Variants in OPHN1 observed in about 807,000 individuals in gnomAD.
The protein encoded by OPHN1 is oligophrenin-1.
OPHN1 carries 11 observed loss-of-function variants against 60.7 expected under a neutral mutation model. The observed-to-expected ratio is 0.18, with a 90% confidence interval of 0.11 to 0.30. The LOEUF (loss-of-function observed/expected upper bound fraction) is 0.30. Among genes scored for constraint, OPHN1 ranks in the 10% least tolerant of loss-of-function variants. OPHN1 has a pLI of 1.00. For missense variants in OPHN1, 449 were observed against 611.0 expected (o/e 0.73, Z 2.80); for synonymous variants, 226 against 222.6 (o/e 1.02, Z -0.14).
Position 68,155,396 on chromosome X carries a change from C to T in OPHN1, c.1277-36064G>A, listed in dbSNP as rs775748306. 5.4e-5 allele frequency among the ~76,000 whole-genome samples: 6 copies of T among 111,749 alleles called. No individual in the cohort carries two copies. In the South Asian group the frequency reaches 2.3e-3, roughly 43 times the overall value. ...CCCATACTCCCCACATGTCTAGAGA[C>T]AGACCTGGTGGGAGGTGATTGGATC... is the stretch of plus-strand genomic sequence containing the variant. On this transcript the variant is annotated intron_variant, in intron 15 of 24. Transcript: ENST00000355520.
intron 4 of OPHN1, among the ~76,000 whole-genome samples, chrX:68,278,600 A>G (rs1407843424): frequency 8.8e-6 from 1 of 113,649 alleles, no homozygotes; most frequent in Non-Finnish European, 1.9e-5. Flanking sequence ...AAAAGAGAGC[A>G]CTGGGCCAGG....
chrX:68,396,432 G>T (rs181917415), intron 2 of OPHN1, among the ~76,000 whole-genome samples: 103 of 101,232 alleles, frequency 1.0e-3, no homozygotes, highest in Non-Finnish European at 1.7e-3. Context: ...AAACAAGGTT[G>T]TGGAGGCTAG....
chrX:68,148,230 C>T (rs1008859813), intron 15 of OPHN1, among the ~76,000 whole-genome samples: 7 of 111,136 alleles, frequency 6.3e-5, no homozygotes, highest in Non-Finnish European at 1.3e-4. Context: ...TTAAAGGATA[C>T]GATAATATGA....
At chrX:68,179,589 T>C (rs755598033) in intron 15 of OPHN1, among the ~76,000 whole-genome samples, 1 of 111,775 alleles carries the variant, frequency 8.9e-6, no homozygotes, top group East Asian at 2.8e-4. Flanking sequence ...AGGTATCTGA[T>C]CACTGTATCC....
At chrX:68,150,709 T>A (rs1251572478) in intron 15 of OPHN1, among the ~76,000 whole-genome samples, 1 of 111,694 alleles carries the variant, frequency 9.0e-6, no homozygotes, top group Non-Finnish European at 1.9e-5. Flanking sequence ...TGAGGAATAG[T>A]TGTGAAACTA....
At chrX:68,170,091 A>G (rs1378581773) in intron 15 of OPHN1, among the ~76,000 whole-genome samples, 1 of 110,733 alleles carries the variant, frequency 9.0e-6, no homozygotes, top group Non-Finnish European at 1.9e-5. Context: ...ACAAGAAAAA[A>G]ACAAACAACC....
At chrX:68,218,313 T>G (rs1226849339) in intron 6 of OPHN1, among the ~76,000 whole-genome samples, 2 of 106,811 alleles carry the variant, frequency 1.9e-5, no homozygotes, top group African/African-American at 6.8e-5. Context: ...TTGGTGTACC[T>G]GAAAGGGATG....
At chrX:68,103,979 G>T (rs1924423617) in intron 18 of OPHN1, among the ~76,000 whole-genome samples, 1 of 111,984 alleles carries the variant, frequency 8.9e-6, no homozygotes, top group South Asian at 3.7e-4. Context: ...CAAAGTCTCA[G>T]AAAACAAAAT....
chrX:68,351,637 G>C (rs2078411206), intron 2 of OPHN1, among the ~76,000 whole-genome samples: 2 of 111,568 alleles, frequency 1.8e-5, no homozygotes, highest in East Asian at 2.8e-4. Context: ...CATCCCCTGG[G>C]TCTAGTACAG....
intron 3 of OPHN1, among the ~76,000 whole-genome samples, chrX:68,295,634 C>G (rs1213300154): frequency 8.9e-6 from 1 of 112,636 alleles, no homozygotes; most frequent in Non-Finnish European, 1.9e-5. Context: ...AGATGTCTAA[C>G]TCTAAAGCAG....
rs770773480 is a variant in OPHN1, at chrX:68,066,087, G to A, written c.1835-1910C>T. The stretch of plus-strand genomic sequence containing the variant: ...AATAATGGCATGAACATGAGCACAA[G>A]AGCGCCAAATAACTAGAGCCTCTGG... On this transcript the variant is annotated intron_variant, in intron 20 of 24. Coordinates refer to ENST00000355520, the MANE Select transcript of OPHN1 (RefSeq NM_002547.3). Among the ~76,000 whole-genome samples the A allele has an allele frequency of 3.6e-5, 4 of 112,328 alleles. No individual in the cohort carries two copies. In the South Asian group the frequency reaches 1.5e-3, roughly 42 times the overall value.
At chrX:68,330,224 C>T (rs746165288) in intron 2 of OPHN1, among the ~76,000 whole-genome samples, 1 of 109,866 alleles carries the variant, frequency 9.1e-6, no homozygotes, top group Admixed American at 9.8e-5. Context: ...CTCAGCCTCC[C>T]GAGTAGTAGG....
At chrX:68,129,850 G>A (rs752732247) in intron 15 of OPHN1, among the ~76,000 whole-genome samples, 14 of 112,346 alleles carry the variant, frequency 1.2e-4, no homozygotes, top group Non-Finnish European at 2.3e-4. Flanking sequence ...AACAGAAAGC[G>A]TGAGCAGAAA....
intron 6 of OPHN1, among the ~76,000 whole-genome samples, chrX:68,226,141 T>A (rs564956046): frequency 9.0e-6 from 1 of 110,788 alleles, no homozygotes; most frequent in East Asian, 2.8e-4. Context: ...TGATGGAAGA[T>A]GAAATGAATG....
intron 20 of OPHN1, chrX:68,071,691 T>C (rs1407466796): frequency 9.5e-6 from 5 of 525,061 alleles, no homozygotes; most frequent in East Asian, 6.7e-5. Context: ...CACAGGAACA[T>C]TGAAGTCCAC....
intron 14 of OPHN1, 56 bp downstream of exon 14, chrX:68,193,834 G>C: frequency 9.8e-7 from 1 of 1,020,359 alleles, no homozygotes; most frequent in African/African-American, 1.8e-5. Flanking sequence ...AATTGCCCAG[G>C]ATAAAATCAG....
chrX:68,133,384 T>C, intron 15 of OPHN1: 1 of 798,094 alleles, frequency 1.3e-6, no homozygotes, highest in Non-Finnish European at 1.9e-6. Context: ...TTTGTGAAAT[T>C]CACACATGAT....
intron 2 of OPHN1, among the ~76,000 whole-genome samples, chrX:68,399,913 C>T (rs1359140112): frequency 1.8e-5 from 2 of 108,145 alleles, no homozygotes; most frequent in Non-Finnish European, 3.8e-5. Flanking sequence ...GCAACCTCTG[C>T]CTCCCGGGTC....
chrX:68,429,942 C>T (rs756033860), intron 2 of OPHN1, among the ~76,000 whole-genome samples: 91 of 110,195 alleles, frequency 8.3e-4, no homozygotes, highest in Non-Finnish European at 1.2e-3. Flanking sequence ...GGCTAAGACA[C>T]GAGGATCACT....
Sources: allele counts gnomAD v4.1 joint callset (sites outside exome capture counted in the v4.1 genomes callset), GRCh38; gene constraint gnomAD v4.1.1; transcripts MANE v1.5; gene names NCBI Gene and HGNC (gene_info 2026-07-23, HGNC 2026-07-21).